DGKQ: variants seen among roughly 807,000 people sequenced by gnomAD.
The protein encoded by DGKQ is DAG kinase theta.
In DGKQ, 97 loss-of-function variants were observed where a neutral mutation model predicts 104.2. That is an observed-to-expected ratio of 0.93 (90% confidence interval 0.79 to 1.10). The LOEUF is 1.10. Among genes scored for constraint, DGKQ ranks in the 50% least tolerant of loss-of-function variants. DGKQ has a pLI of 0.00. For synonymous variants in DGKQ, 736 were observed against 595.2 expected (o/e 1.24, Z -3.44); for missense variants, 1,465 against 1,352.1 (o/e 1.08, Z -1.31).
intron 14 of DGKQ, 29 bp downstream of exon 14, chr4:965,462 A>G (rs1350817651): frequency 2.5e-6 from 4 of 1,607,414 alleles, no homozygotes; most frequent in South Asian, 1.1e-5. Flanking sequence ...CCTGGGCCTC[A>G]TGTGACCACG....
rs771094281 is a variant in DGKQ, at chr4:968,419, G to A, written c.538-12C>T. On this transcript the variant is annotated splice_polypyrimidine_tract_variant and intron_variant, in intron 4 of 22. Coordinates refer to ENST00000273814, the MANE Select transcript of DGKQ (RefSeq NM_001347.4). Reference sequence around the variant, plus strand: ...TGGTGATGGGTGTCCTGCAGAGCGGGGGCAGTCAGCAGCTGGGCCCGCCCC... The same window carrying A: ...TGGTGATGGGTGTCCTGCAGAGCGGAGGCAGTCAGCAGCTGGGCCCGCCCC... The A allele has an allele frequency of 1.3e-6, 2 of 1,583,772 alleles. No individual in the cohort carries two copies. The highest frequency in any genetic ancestry group is 2.7e-5 in the African/African-American group (2 of 73,408).
rs912932393 is a variant in DGKQ at position 967,567 on chromosome 4, G to C, written c.969C>G (p.Ala323=). 5 of 1,612,402 alleles carry C rather than the reference G, an allele frequency of 3.1e-6. No individual in the cohort carries two copies. In the African/African-American group the frequency reaches 4.0e-5, roughly 13 times the overall value. ...CCCTTACCAGCACCTCCTCGGCACCGGCCAGGCGGGACACCGTGACGAGGC... is the reference window on the plus strand; with the variant it reads ...CCCTTACCAGCACCTCCTCGGCACCCGCCAGGCGGGACACCGTGACGAGGC... ...QFRLVTVSRL[A]GAEEVLEAAL... Residue 323 remains alanine, a synonymous_variant, in exon 8 of 23, where the codon GCC becomes GCG. Coordinates refer to ENST00000273814, the MANE Select transcript of DGKQ (RefSeq NM_001347.4).
At chr4:961,873 C>T in intron 19 of DGKQ, 39 bp from the exon 20 acceptor site, 1 of 1,594,392 alleles carries the variant, frequency 6.3e-7, no homozygotes. Context: ...CAGGGGAAGC[C>T]CTACCCCGCC....
intron 18 of DGKQ, 150 bp downstream of exon 18, chr4:962,285 T>C (rs1711941746): frequency 1.0e-6 from 1 of 964,752 alleles, no homozygotes; most frequent in South Asian, 1.6e-5. Context: ...GTGGCTACTT[T>C]CTGTGTCTCC....
At position 961,030 on chromosome 4, in the gene DGKQ, C is replaced by G. The variant is rs1711844716; in HGVS notation, c.2727+19G>C. The G allele has an allele frequency of 1.2e-6, 2 of 1,611,410 alleles. No homozygotes were observed. Among genetic ancestry groups the G allele is most frequent in the Non-Finnish European group, 1.7e-6 (2 of 1,179,290 alleles). On this transcript the variant is annotated intron_variant, in intron 22 of 22. Coordinates refer to ENST00000273814, the MANE Select transcript of DGKQ (RefSeq NM_001347.4). Reference sequence around the variant, plus strand: ...AGCCCGGCCCACCTCCCCTGGCTCTCCAGCCTCACCCCACATACCTTAGGG... The same window carrying G: ...AGCCCGGCCCACCTCCCCTGGCTCTGCAGCCTCACCCCACATACCTTAGGG...
intron 2 of DGKQ, among the ~76,000 whole-genome samples, chr4:970,294 G>A (rs753170374): frequency 6.6e-6 from 1 of 152,268 alleles, no homozygotes; most frequent in Non-Finnish European, 1.5e-5. Context: ...CAGGGAATGC[G>A]GACTTGGGGG....
rs1712000584 is a variant in DGKQ, at chr4:962,938, G to A, written c.1887-18C>T. ...GGTGGAGCCTAGCGGGAGACAGGAA[G>A]TGTCCTCTACCAGCTGCGGGCGCAG... On this transcript the variant is annotated intron_variant, in intron 16 of 22. Coordinates refer to ENST00000273814, the MANE Select transcript of DGKQ (RefSeq NM_001347.4). The A allele has an allele frequency of 6.2e-7, 1 of 1,601,572 alleles. No individual in the cohort carries two copies. The highest frequency in any genetic ancestry group is 1.7e-5 in the Admixed American group (1 of 58,640).
intron 12 of DGKQ, 30 bp downstream of exon 12, chr4:966,436 C>T: frequency 6.2e-7 from 1 of 1,608,902 alleles, no homozygotes; most frequent in Non-Finnish European, 8.5e-7. Flanking sequence ...GCTGCTGGTT[C>T]CCTGGGGGCC....
At chr4:964,783 C>T (rs896582938) in intron 15 of DGKQ, among the ~76,000 whole-genome samples, 6 of 152,178 alleles carry the variant, frequency 3.9e-5, no homozygotes, top group Admixed American at 1.3e-4. Flanking sequence ...GTCACAAACA[C>T]GCTCTGGCCC....
chr4:965,247 G>A lies in DGKQ; in HGVS notation c.1663C>T (p.Leu555=). 9.9e-6 allele frequency: 16 copies of A among 1,612,694 alleles called. No homozygotes were observed. Among genetic ancestry groups the A allele is most frequent in the Non-Finnish European group, 1.4e-5 (16 of 1,179,914 alleles). ...DVACFAEAER[L]YMLLKDMAVR... ...GCCATGTCCTTCAGCAGCATGTACA[G>A]CCGCTCGGCCTCCGCAAAGCAGGCA... Residue 555 remains leucine, a synonymous_variant, in exon 15 of 23, where the codon CTG becomes TTG. Transcript: ENST00000273814.
chr4:961,114 G>A lies in DGKQ; in HGVS notation c.2662C>T (p.Gln888Ter), dbSNP rs1577470456. 6.2e-7 allele frequency: 1 copy of A among 1,611,040 alleles called. No individual in the cohort carries two copies. The highest frequency in any genetic ancestry group is 8.5e-7 in the Non-Finnish European group (1 of 1,179,236). The change falls in exon 22 of 23, where the codon CAG becomes TAG. Residue 888 changes from glutamine (Q) to a stop codon, truncating the protein, a stop_gained. Coordinates refer to ENST00000273814, the MANE Select transcript of DGKQ (RefSeq NM_001347.4). LOFTEE classifies it high-confidence loss of function. ...RVTLLKATPV[Q>*]VDGEPWVQAP... Reference sequence around the variant, plus strand: ...TGGACCCAGGGCTCCCCGTCCACCTGCACCGGGGTGGCCTTGAGGAGCGTG... The same window carrying A: ...TGGACCCAGGGCTCCCCGTCCACCTACACCGGGGTGGCCTTGAGGAGCGTG...
intron 14 of DGKQ, 27 bp downstream of exon 14, chr4:965,464 G>A (rs374282321): frequency 1.8e-5 from 29 of 1,607,858 alleles, no homozygotes; most frequent in Non-Finnish European, 2.5e-5. Context: ...TGGGCCTCAT[G>A]TGACCACGTC....
At chr4:966,838 G>A (rs1213428350) in intron 10 of DGKQ, 36 bp from the exon 11 acceptor site, 3 of 1,595,024 alleles carry the variant, frequency 1.9e-6, no homozygotes, top group Non-Finnish European at 1.7e-6. Context: ...GTCTGGGCAG[G>A]CCCCCACCAC....
chr4:968,266 A>AC lies in DGKQ; in HGVS notation c.663+15dup. 1 of 569,822 alleles carries AC rather than the reference A, an allele frequency of 1.8e-6. No homozygotes were observed. The highest frequency in any genetic ancestry group is 2.4e-6 in the Non-Finnish European group (1 of 418,350). 35.3% of individuals were successfully genotyped at this position (569,822 alleles called of 1,614,324 possible). A position where few individuals can be genotyped will look rare whatever the true frequency, so the allele number is the denominator to read the frequency against. On this transcript the variant is annotated intron_variant, in intron 5 of 22. Transcript: ENST00000273814. ...CTCCTGCCCCACCCCCACCCCCTCG[A>AC]CTTCCCAGCGCCCACCTGGACCCCG... is the stretch of plus-strand genomic sequence containing the variant.
In DGKQ at chr4:965,165, C is replaced by T. The variant is rs374046451; in HGVS notation, c.1734+11G>A. 1.4e-5 allele frequency: 22 copies of T among 1,610,518 alleles called. No individual in the cohort carries two copies. Among genetic ancestry groups the T allele is most frequent in the African/African-American group, 1.3e-4 (10 of 74,860 alleles). On this transcript the variant is annotated intron_variant, in intron 15 of 22. Transcript: ENST00000273814. ...GGGGTGTGTGAAGAGCCGGCTTGAC[C>T]GCACACTCACCAGCAGGTCGGGGAG... is the stretch of plus-strand genomic sequence containing the variant.
In DGKQ at chr4:967,480, C is replaced by CA. The variant is rs1482690907; in HGVS notation, c.987+68dup. 2.9e-5 allele frequency: 45 copies of CA among 1,527,242 alleles called. 1 individual carries two copies. In the Admixed American group the frequency reaches 6.6e-4, roughly 22 times the overall value. The allele number at this position is 1,527,242 out of a possible 1,614,324, so 94.6% of individuals were successfully genotyped here. On this transcript the variant is annotated intron_variant, in intron 8 of 22. Transcript: ENST00000273814. ...GGGCGCCAGGTTGGGGGAGCCAGGT[C>CA]AGGTGCGCCAGGTGCGGGGACATGC...
At chr4:963,747 A>G (rs1172794120) in intron 15 of DGKQ, among the ~76,000 whole-genome samples, 1 of 152,198 alleles carries the variant, frequency 6.6e-6, no homozygotes, top group East Asian at 1.9e-4. Flanking sequence ...AGCAGCCGAG[A>G]AAAGCTCTTA....
rs758794505 is a variant in DGKQ at position 962,096 on chromosome 4, G to C, written c.2215-14C>G. Reference sequence around the variant, plus strand: ...CATCTGCACGATCTGGGGACAGGGCGTTCATCTCCCAGGACCCGGCCGCCC... The same window carrying C: ...CATCTGCACGATCTGGGGACAGGGCCTTCATCTCCCAGGACCCGGCCGCCC... On this transcript the variant is annotated splice_polypyrimidine_tract_variant and intron_variant, in intron 18 of 22. Transcript: ENST00000273814. 6.2e-7 allele frequency: 1 copy of C among 1,605,340 alleles called. No homozygotes were observed. Among genetic ancestry groups the C allele is most frequent in the Non-Finnish European group, 8.5e-7 (1 of 1,177,072 alleles).
rs747625363 is a variant in DGKQ, at chr4:965,885, CTGCCCCG to C, written c.1579+36_1579+42del. The C allele has an allele frequency of 7.1e-6, 11 of 1,545,886 alleles. No individual in the cohort carries two copies. In the African/African-American group the frequency reaches 1.4e-4, roughly 19 times the overall value. On this transcript the variant is annotated intron_variant, in intron 13 of 22. Transcript: ENST00000273814. Reference sequence around the variant, plus strand: ...CAGCCCCACTGCCTGCCGCTCGACCCTGCCCCGTGCCAGCAGCCCACGGCCAGCCACA... The same window carrying C: ...CAGCCCCACTGCCTGCCGCTCGACCCTGCCAGCAGCCCACGGCCAGCCACA...
Sources: allele counts gnomAD v4.1 joint callset (sites outside exome capture counted in the v4.1 genomes callset), GRCh38; gene constraint gnomAD v4.1.1; transcripts MANE v1.5; gene names NCBI Gene and HGNC (gene_info 2026-07-23, HGNC 2026-07-21).